CCDC171: variants seen among roughly 807,000 people sequenced by gnomAD.
CCDC171 encodes the protein coiled-coil domain-containing protein 171.
Under a neutral mutation model 168.2 loss-of-function variants are expected in CCDC171, and 177 were observed. That is an observed-to-expected ratio of 1.05 (90% CI 0.93 to 1.19). The LOEUF (loss-of-function observed/expected upper bound fraction) is 1.19, where lower values mean the gene tolerates loss of function less well. CCDC171 is among the 50% of genes most tolerant of loss of function. CCDC171 has a pLI of 0.00. For missense variants in CCDC171, 1,991 were observed against 1,539.0 expected, an observed-to-expected ratio of 1.29 and a Z score of -4.91; for synonymous variants, 687 against 540.8, an observed-to-expected ratio of 1.27 and a Z score of -3.75.
the CCDC171 span, among the ~76,000 whole-genome samples, chr9:16,070,244 C>T: frequency 6.6e-6 from 1 of 152,182 alleles, no homozygotes; most frequent in East Asian, 1.9e-4. Flanking sequence ...CAGCCTAACA[C>T]CCCCGGCCGG....
chr9:15,697,969 A>G (rs1367668289), intron 11 of CCDC171, among the ~76,000 whole-genome samples: 1 of 152,256 alleles, frequency 6.6e-6, no homozygotes, highest in East Asian at 1.9e-4. Context: ...TATTTAAGAT[A>G]CCAGTCACCT....
At chr9:15,767,102 T>C (rs1352431515) in intron 18 of CCDC171, among the ~76,000 whole-genome samples, 1 of 152,236 alleles carries the variant, frequency 6.6e-6, no homozygotes, top group Non-Finnish European at 1.5e-5. Context: ...TAAAAATGTG[T>C]GAGGGCATAC....
At chr9:15,585,422 C>A (rs2041479110) in intron 4 of CCDC171, among the ~76,000 whole-genome samples, 1 of 152,116 alleles carries the variant, frequency 6.6e-6, no homozygotes, top group African/African-American at 2.4e-5. Flanking sequence ...CAACCACTAA[C>A]GTATGCGGTA....
chr9:15,801,062 T>C (rs1434038065), intron 21 of CCDC171, among the ~76,000 whole-genome samples: 1 of 152,136 alleles, frequency 6.6e-6, no homozygotes, highest in Non-Finnish European at 1.5e-5. Flanking sequence ...CCAGTTTTGT[T>C]CTTTTTGCTC....
intron 3 of CCDC171, among the ~76,000 whole-genome samples, chr9:15,997,721 G>T (rs1832416181): frequency 6.6e-6 from 1 of 152,166 alleles, no homozygotes; most frequent in South Asian, 2.1e-4. Context: ...TTACCTGGTG[G>T]CAGTACCCCA....
chr9:15,926,912 A>G (rs2132081731), intron 25 of CCDC171, among the ~76,000 whole-genome samples: 1 of 151,820 alleles, frequency 6.6e-6, no homozygotes, highest in Admixed American at 6.6e-5. Flanking sequence ...CAGTGCTTTT[A>G]CCATATAATA....
intron 6 of CCDC171, among the ~76,000 whole-genome samples, chr9:15,614,267 C>T (rs1587422163): frequency 6.6e-6 from 1 of 152,140 alleles, no homozygotes. Flanking sequence ...GTGGCTGGGG[C>T]TTTTGGGGAG....
chr9:16,103,985 C>T, the CCDC171 span, among the ~76,000 whole-genome samples: 1 of 152,336 alleles, frequency 6.6e-6, no homozygotes, highest in East Asian at 1.9e-4. Context: ...TTCAAGATGC[C>T]GGCTGGTGGG....
chr9:16,077,476 C>T, the CCDC171 span, among the ~76,000 whole-genome samples: 4 of 152,254 alleles, frequency 2.6e-5, no homozygotes, highest in East Asian at 1.9e-4. Flanking sequence ...CGAATCACTT[C>T]GGCCAATGGG....
At chr9:16,076,311 T>C in the CCDC171 span, among the ~76,000 whole-genome samples, 1 of 152,228 alleles carries the variant, frequency 6.6e-6, no homozygotes, top group Admixed American at 6.5e-5. Flanking sequence ...ACTCCATCCA[T>C]GCACCTGGTA....
At chr9:15,942,212 A>G (rs1055102292) in intron 25 of CCDC171, among the ~76,000 whole-genome samples, 3 of 151,956 alleles carry the variant, frequency 2.0e-5, no homozygotes, top group Non-Finnish European at 4.4e-5. Flanking sequence ...TGTCACTACG[A>G]TACCTAATAC....
At chr9:15,878,910 GGAGCTAAATGAT>G (rs1042881003) in intron 24 of CCDC171, among the ~76,000 whole-genome samples, 13 of 152,188 alleles carry the variant, frequency 8.5e-5, no homozygotes, top group Admixed American at 8.5e-4. Flanking sequence ...CTTGTAAGTG[GGAGCTAAATGAT>G]GAGAACACAT....
chr9:15,699,833 C>T (rs965683113), intron 11 of CCDC171, among the ~76,000 whole-genome samples: 4 of 152,222 alleles, frequency 2.6e-5, no homozygotes, highest in African/African-American at 9.6e-5. Flanking sequence ...GGTGCATTTA[C>T]AAACCCTGAG....
intron 25 of CCDC171, among the ~76,000 whole-genome samples, chr9:15,941,758 TACTC>T (rs1478177325): frequency 6.6e-6 from 1 of 151,950 alleles, no homozygotes; most frequent in Non-Finnish European, 1.5e-5. Flanking sequence ...AGAAACAACA[TACTC>T]AATATTATAT....
At chr9:15,642,343 G>GTGTGTGTGTA (rs1369419679) in intron 7 of CCDC171, among the ~76,000 whole-genome samples, 1 of 107,568 alleles carries the variant, frequency 9.3e-6, no homozygotes, top group Non-Finnish European at 1.8e-5. Context: ...GTGTGTGTGT[G>GTGTGTGTGTA]TATATATATA....
intron 20 of CCDC171, 91 bp downstream of exon 20, chr9:15,779,241 G>T: frequency 1.4e-6 from 1 of 720,346 alleles, no homozygotes; most frequent in South Asian, 6.0e-5. Flanking sequence ...GTTATGTGTG[G>T]TTTTTCAAAT....
intron 9 of CCDC171, among the ~76,000 whole-genome samples, chr9:15,675,473 G>C (rs551437239): frequency 6.6e-6 from 1 of 152,214 alleles, no homozygotes; most frequent in Admixed American, 6.5e-5. Context: ...AGCCTTGATA[G>C]TCTTTACAAT....
At chr9:15,781,332 G>A (rs1249148503) in intron 20 of CCDC171, among the ~76,000 whole-genome samples, 2 of 152,158 alleles carry the variant, frequency 1.3e-5, no homozygotes, top group Admixed American at 1.3e-4. Context: ...TGAATAACTG[G>A]CTTTCAGTAA....
rs539621055 is a variant in CCDC171, at chr9:15,603,726, T to A, written c.675+9554T>A. On this transcript the variant is annotated intron_variant, in intron 6 of 25. Coordinates refer to ENST00000380701, the MANE Select transcript of CCDC171 (RefSeq NM_173550.4). ...TGCAATGAGCATACATGTGCATGTG[T>A]CTTTATAGTAGAATGATTTATATTC... 2.6e-5 allele frequency among the ~76,000 whole-genome samples: 4 copies of A among 151,556 alleles called. No homozygotes were observed. The South Asian group carries it at 8.4e-4, about 32-fold the overall frequency.
Sources: allele counts gnomAD v4.1 joint callset (sites outside exome capture counted in the v4.1 genomes callset), GRCh38; gene constraint gnomAD v4.1.1; transcripts MANE v1.5; gene names NCBI Gene and HGNC (gene_info 2026-07-23, HGNC 2026-07-21).